The following CADM2 variants were observed in gnomAD, a reference collection of about 807,000 sequenced individuals.
CADM2 encodes cell adhesion molecule 2.
In CADM2, 12 loss-of-function variants were observed where a neutral mutation model predicts 49.8. That is an observed-to-expected ratio of 0.24 (90% CI 0.15 to 0.39). The LOEUF (loss-of-function observed/expected upper bound fraction) is 0.39, where lower values mean the gene tolerates loss of function less well. Ranked by LOEUF, CADM2 falls within the 10% of genes least tolerant of loss-of-function variation. CADM2 has a pLI of 1.00. For missense variants in CADM2, 378 were observed against 492.3 expected (o/e 0.77, Z 2.20); for synonymous variants, 214 against 175.4 (o/e 1.22, Z -1.74).
chr3:85,185,953 ATAT>A (rs1168884043), intron 1 of CADM2, among the ~76,000 whole-genome samples: 1 of 152,116 alleles, frequency 6.6e-6, no homozygotes, highest in Non-Finnish European at 1.5e-5. Flanking sequence ...TTCGAAGGAG[ATAT>A]TATGGCAATT....
chr3:85,499,602 A>G (rs569543604), intron 1 of CADM2, among the ~76,000 whole-genome samples: 1 of 151,780 alleles, frequency 6.6e-6, no homozygotes, highest in African/African-American at 2.4e-5. Flanking sequence ...AATTTTATAT[A>G]TTTTAAGTAT....
At chr3:85,575,904 G>A (rs2062619658) in intron 1 of CADM2, among the ~76,000 whole-genome samples, 2 of 152,184 alleles carry the variant, frequency 1.3e-5, no homozygotes. Context: ...ACACCTACGT[G>A]TAGACAGAAG....
In CADM2 at chr3:85,501,559, CCA is replaced by C. The variant is rs2040115880; in HGVS notation, c.62-224962_62-224961del. Among the ~76,000 whole-genome samples the C allele has an allele frequency of 2.6e-5, 4 of 151,936 alleles. No individual in the cohort carries two copies. The South Asian group carries it at 8.3e-4, about 32-fold the overall frequency. The stretch of plus-strand genomic sequence containing the variant: ...GTATGAATTTTTAAAAATATTATTA[CCA>C]GTTAGCTTGAAAATATATGACACCA... On this transcript the variant is annotated intron_variant, in intron 1 of 9. Coordinates refer to ENST00000383699, the MANE Select transcript of CADM2 (RefSeq NM_001167675.2).
chr3:85,444,541 A>T (rs1212892580), intron 1 of CADM2, among the ~76,000 whole-genome samples: 1 of 151,962 alleles, frequency 6.6e-6, no homozygotes, highest in Non-Finnish European at 1.5e-5. Flanking sequence ...ATCCCCATAG[A>T]TCACTTCTTC....
At chr3:85,345,440 T>A (rs1231890537) in intron 1 of CADM2, among the ~76,000 whole-genome samples, 1 of 151,140 alleles carries the variant, frequency 6.6e-6, no homozygotes, top group Non-Finnish European at 1.5e-5. Context: ...TCATGTCCAG[T>A]GGTAGAAAAA....
chr3:85,147,467 A>G (rs183953946), intron 1 of CADM2, among the ~76,000 whole-genome samples: 1 of 152,072 alleles, frequency 6.6e-6, no homozygotes, highest in African/African-American at 2.4e-5. Flanking sequence ...CAAATAATAT[A>G]TGTGATTACC....
chr3:85,250,828 T>C (rs893128568), intron 1 of CADM2, among the ~76,000 whole-genome samples: 7 of 151,740 alleles, frequency 4.6e-5, no homozygotes, highest in African/African-American at 7.2e-5. Flanking sequence ...CATTTAATCA[T>C]TGTATAGGAA....
intron 1 of CADM2, among the ~76,000 whole-genome samples, chr3:85,149,946 A>G (rs951634948): frequency 2.0e-5 from 3 of 152,144 alleles, no homozygotes; most frequent in Admixed American, 1.3e-4. Flanking sequence ...TCTCTTAACA[A>G]TGGATATTGG....
rs1739413851 is a variant in CADM2 at position 86,067,059 on chromosome 3, A to G, written c.*276A>G. 2.9e-6 allele frequency: 1 copy of G among 347,492 alleles called. No individual in the cohort carries two copies. Among genetic ancestry groups the G allele is most frequent in the African/African-American group, 2.1e-5 (1 of 47,242 alleles). 21.5% of individuals were successfully genotyped at this position (347,492 alleles called of 1,614,324 possible). Reference sequence around the variant, plus strand: ...TGAATATACAGCCTTAACAATGTTAATCATCTCCTTGGATCATTATATTGA... The same window carrying G: ...TGAATATACAGCCTTAACAATGTTAGTCATCTCCTTGGATCATTATATTGA... On this transcript the variant is annotated 3_prime_UTR_variant, in exon 10 of 10. Transcript: ENST00000383699.
At chr3:84,970,274 A>AT (rs5850655) in intron 1 of CADM2, among the ~76,000 whole-genome samples, 96,975 of 147,086 alleles carry the variant, frequency 0.66, 32,553 homozygotes, top group African/African-American at 0.8. Flanking sequence ...ATTGAATTTG[A>AT]TTTTTTTTTT....
intron 5 of CADM2, among the ~76,000 whole-genome samples, chr3:85,902,612 A>C (rs1716275447): frequency 1.3e-5 from 2 of 151,378 alleles, no homozygotes; most frequent in African/African-American, 4.8e-5. Context: ...TCTATGTTTC[A>C]TGTCATTTTT....
intron 1 of CADM2, among the ~76,000 whole-genome samples, chr3:85,256,852 G>T (rs1473650099): frequency 8.5e-5 from 13 of 152,170 alleles, no homozygotes; most frequent in African/African-American, 3.1e-4. Flanking sequence ...GTTTGAATTT[G>T]ATTTTCTTCT....
At chr3:85,893,487 T>C (rs1714761847) in intron 5 of CADM2, among the ~76,000 whole-genome samples, 1 of 152,052 alleles carries the variant, frequency 6.6e-6, no homozygotes, top group African/African-American at 2.4e-5. Context: ...AAAGCCAAAA[T>C]TGACAAATGG....
intron 1 of CADM2, among the ~76,000 whole-genome samples, chr3:85,222,026 A>T (rs899532485): frequency 1.2e-4 from 19 of 152,320 alleles, no homozygotes; most frequent in South Asian, 4.1e-4. Context: ...TTAGAAGACA[A>T]AATTATTATT....
intron 1 of CADM2, among the ~76,000 whole-genome samples, chr3:85,587,167 T>A (rs1206694634): frequency 6.6e-6 from 1 of 152,094 alleles, no homozygotes; most frequent in East Asian, 1.9e-4. Flanking sequence ...GTAGATGAGA[T>A]AGCCTGGCAG....
At chr3:85,725,314 A>AT (rs906837862) in intron 1 of CADM2, among the ~76,000 whole-genome samples, 3 of 151,820 alleles carry the variant, frequency 2.0e-5, no homozygotes, top group African/African-American at 4.8e-5. Context: ...GACTTTCTAA[A>AT]TTTTTTTTAG....
At chr3:85,695,141 T>C (rs2066511285) in intron 1 of CADM2, among the ~76,000 whole-genome samples, 2 of 152,154 alleles carry the variant, frequency 1.3e-5, no homozygotes, top group African/African-American at 4.8e-5. Flanking sequence ...ATTTATTGTT[T>C]CATGTTGAAG....
At position 85,076,742 on chromosome 3, in the gene CADM2, T is replaced by A. The variant is rs562009961; in HGVS notation, c.61+117074T>A. 1.0e-3 allele frequency among the ~76,000 whole-genome samples: 153 copies of A among 152,052 alleles called. 2 individuals carry two copies. Among genetic ancestry groups the A allele is most frequent in the Non-Finnish European group, 2.8e-4 (19 of 67,960 alleles). On this transcript the variant is annotated intron_variant, in intron 1 of 9. Coordinates refer to ENST00000383699, the MANE Select transcript of CADM2 (RefSeq NM_001167675.2). ...ATTCCAGCACTTTGAGAGGTCGAGG[T>A]GTAAGAGTCACCTGAAGTCAGGAGT...
chr3:85,495,813 T>C (rs2039863637), intron 1 of CADM2, among the ~76,000 whole-genome samples: 1 of 151,976 alleles, frequency 6.6e-6, no homozygotes, highest in African/African-American at 2.4e-5. Context: ...TGAGGAGTCA[T>C]TCATTACTGC....
Sources: gnomAD v4.1 joint callset for allele counts (sites outside exome capture counted in the v4.1 genomes callset) on GRCh38, gnomAD v4.1.1 for gene constraint, MANE v1.5 for transcripts, NCBI Gene and HGNC (gene_info 2026-07-23, HGNC 2026-07-21) for gene names.